The following CDH12 variants were observed in gnomAD, a reference collection of about 807,000 sequenced individuals.
CDH12 encodes the protein cadherin 12.
CDH12 carries 41 observed loss-of-function variants against 74.1 expected under a neutral mutation model. The ratio of observed to expected loss-of-function variants is 0.55; its 90% CI spans 0.43 to 0.72. The LOEUF (loss-of-function observed/expected upper bound fraction) is 0.72, where lower values mean the gene tolerates loss of function less well. Ranked by LOEUF, CDH12 falls within the 30% of genes least tolerant of loss-of-function variation. CDH12 has a pLI of 0.00. For missense variants in CDH12, 945 were observed against 977.2 expected, an observed-to-expected ratio of 0.97 and a Z score of 0.44; for synonymous variants, 399 against 355.0, an observed-to-expected ratio of 1.12 and a Z score of -1.39.
intron 1 of CDH12, among the ~76,000 whole-genome samples, chr5:22,756,098 G>GAAAAAA (rs60067455): frequency 1.1e-4 from 10 of 87,308 alleles, no homozygotes; most frequent in South Asian, 4.2e-4. Context: ...TTCAAGGACC[G>GAAAAAA]AAAAAAAAAA....
intron 4 of CDH12, among the ~76,000 whole-genome samples, chr5:22,110,902 G>T (rs1261647175): frequency 6.6e-6 from 1 of 152,076 alleles, no homozygotes; most frequent in East Asian, 1.9e-4. Context: ...CTTGGCTTAA[G>T]CCCAAAATAA....
chr5:22,558,212 T>G (rs1364396056), intron 1 of CDH12, among the ~76,000 whole-genome samples: 1 of 152,030 alleles, frequency 6.6e-6, no homozygotes, highest in Non-Finnish European at 1.5e-5. Flanking sequence ...GACAGGCTCT[T>G]GTATCAGAGG....
chr5:22,744,509 G>T (rs2127023562), intron 1 of CDH12, among the ~76,000 whole-genome samples: 1 of 152,008 alleles, frequency 6.6e-6, no homozygotes, highest in African/African-American at 2.4e-5. Context: ...CATTGATAAT[G>T]AAAAGTTTAT....
chr5:22,647,554 C>T (rs1270992253), intron 1 of CDH12, among the ~76,000 whole-genome samples: 1 of 151,726 alleles, frequency 6.6e-6, no homozygotes, highest in Non-Finnish European at 1.5e-5. Flanking sequence ...GCTGTGTCCT[C>T]ACTGGTCACA....
chr5:21,981,329 A>G (rs1451035355), intron 5 of CDH12, among the ~76,000 whole-genome samples: 3 of 152,128 alleles, frequency 2.0e-5, no homozygotes, highest in Non-Finnish European at 4.4e-5. Context: ...TAATAAAAGT[A>G]TATAGTATTC....
At chr5:22,329,376 C>T (rs181877393) in intron 3 of CDH12, among the ~76,000 whole-genome samples, 64 of 152,240 alleles carry the variant, frequency 4.2e-4, no homozygotes, top group Admixed American at 1.6e-3. Flanking sequence ...TTGAGTCACA[C>T]AATTATTCAA....
chr5:21,775,303 A>G (rs1397530530), intron 11 of CDH12, among the ~76,000 whole-genome samples: 1 of 152,236 alleles, frequency 6.6e-6, no homozygotes, highest in African/African-American at 2.4e-5. Context: ...ACTGTAAGCC[A>G]ATCAGTGCTT....
At chr5:22,186,898 CTAAA>C (rs1306587207) in intron 4 of CDH12, among the ~76,000 whole-genome samples, 4 of 151,958 alleles carry the variant, frequency 2.6e-5, no homozygotes, top group Non-Finnish European at 4.4e-5. Context: ...CGTAAAAGCA[CTAAA>C]TAAATAAGAA....
intron 1 of CDH12, among the ~76,000 whole-genome samples, chr5:22,815,538 G>T (rs1243274936): frequency 6.6e-6 from 1 of 152,094 alleles, no homozygotes; most frequent in African/African-American, 2.4e-5. Flanking sequence ...GGGAGGCTGA[G>T]GGGGGCGGAT....
Position 21,802,593 on chromosome 5 carries a change from C to CTTTTTT in CDH12, c.1003-179_1003-174dup, listed in dbSNP as rs35742047. Reference sequence around the variant, plus strand: ...AGCACAAGGCAAACCATTTTTTTTTCTTTTTTTTTTTTTTTTGAGACAGAG... The same window carrying CTTTTTT: ...AGCACAAGGCAAACCATTTTTTTTTCTTTTTTTTTTTTTTTTTTTTTTGAGACAGAG... On this transcript the variant is annotated intron_variant, in intron 9 of 14. Coordinates refer to ENST00000382254, the MANE Select transcript of CDH12 (RefSeq NM_004061.5). Among the ~76,000 whole-genome samples, 178 of 120,196 alleles carry CTTTTTT rather than the reference C, an allele frequency of 1.5e-3. 6 individuals are homozygous for CTTTTTT. The highest frequency in any genetic ancestry group is 1.7e-3 in the Non-Finnish European group (106 of 60,936). The allele number at this position is 120,196 out of a possible 152,430, so 78.9% of individuals were successfully genotyped here.
chr5:22,623,268 G>GATACC (rs755215374), intron 1 of CDH12, among the ~76,000 whole-genome samples: 1 of 150,782 alleles, frequency 6.6e-6, no homozygotes, highest in Non-Finnish European at 1.5e-5. Flanking sequence ...ACAAGACAAG[G>GATACC]CTCTCTCACC....
intron 1 of CDH12, among the ~76,000 whole-genome samples, chr5:22,676,557 A>G (rs1018335289): frequency 1.3e-5 from 2 of 152,198 alleles, no homozygotes; most frequent in African/African-American, 2.4e-5. Flanking sequence ...CTGGTCAGAC[A>G]CATGCTGTTT....
chr5:22,388,868 A>T (rs973329461), intron 3 of CDH12, among the ~76,000 whole-genome samples: 1 of 151,916 alleles, frequency 6.6e-6, no homozygotes, highest in African/African-American at 2.4e-5. Flanking sequence ...GAAAATCTAT[A>T]GCTGAACGTC....
chr5:22,061,230 C>T (rs527949625), intron 5 of CDH12, among the ~76,000 whole-genome samples: 45 of 152,072 alleles, frequency 3.0e-4, no homozygotes, highest in Non-Finnish European at 2.1e-4. Flanking sequence ...AAATAATATG[C>T]TTCCTTAATA....
intron 1 of CDH12, among the ~76,000 whole-genome samples, chr5:22,779,190 C>T (rs906291730): frequency 1.3e-5 from 2 of 152,108 alleles, no homozygotes; most frequent in African/African-American, 4.8e-5. Context: ...TCGGCAATAG[C>T]ACTTTGATGT....
At chr5:22,559,771 T>A (rs1373537695) in intron 1 of CDH12, among the ~76,000 whole-genome samples, 1 of 152,160 alleles carries the variant, frequency 6.6e-6, no homozygotes, top group Non-Finnish European at 1.5e-5. Context: ...AGTATCTTAT[T>A]ATAGTTTCTG....
chr5:22,666,696 T>G (rs1230560792), intron 1 of CDH12, among the ~76,000 whole-genome samples: 2 of 152,186 alleles, frequency 1.3e-5, no homozygotes, highest in Non-Finnish European at 2.9e-5. Context: ...CTTACTTACC[T>G]TCAATGTATT....
intron 4 of CDH12, among the ~76,000 whole-genome samples, chr5:22,202,651 A>C (rs1441726362): frequency 2.6e-5 from 4 of 152,128 alleles, no homozygotes; most frequent in African/African-American, 7.2e-5. Context: ...GGATGTGAAC[A>C]CTTGTCCACG....
intron 2 of CDH12, among the ~76,000 whole-genome samples, chr5:22,451,513 C>G (rs1301597311): frequency 6.6e-6 from 1 of 151,812 alleles, no homozygotes; most frequent in East Asian, 1.9e-4. Flanking sequence ...ATTTAGTAAA[C>G]TTCAACATCA....
Sources: gnomAD v4.1 joint callset for allele counts (sites outside exome capture counted in the v4.1 genomes callset) on GRCh38, gnomAD v4.1.1 for gene constraint, MANE v1.5 for transcripts, NCBI Gene and HGNC (gene_info 2026-07-23, HGNC 2026-07-21) for gene names.